The following CCSER2 variants were observed in gnomAD, a reference collection of about 807,000 sequenced individuals.
The protein encoded by CCSER2 is coiled-coil serine rich protein 2, also known as serine-rich coiled-coil domain-containing protein 2.
A neutral mutation model predicts 92.3 loss-of-function variants in CCSER2; 46 were observed. That is an observed-to-expected ratio of 0.50 (90% confidence interval 0.39 to 0.64). CCSER2 has a LOEUF of 0.64. Among genes scored for constraint, CCSER2 ranks in the 30% least tolerant of loss-of-function variants. The probability of loss-of-function intolerance (pLI) is 0.00; values close to 1 mark genes in which losing one functional copy is unlikely to be tolerated. For missense variants in CCSER2, 1,244 were observed against 1,238.9 expected (o/e 1.00, Z -0.06); for synonymous variants, 433 against 431.4 (o/e 1.00, Z -0.04).
At chr10:84,419,394 C>T (rs750113501) in intron 4 of CCSER2, among the ~76,000 whole-genome samples, 1 of 136,608 alleles carries the variant, frequency 7.3e-6, no homozygotes, top group Non-Finnish European at 1.6e-5. Flanking sequence ...CACCCACACC[C>T]CTGGAGCTAA....
At chr10:84,383,131 T>TA (rs2133221163) in intron 3 of CCSER2, among the ~76,000 whole-genome samples, 1 of 152,190 alleles carries the variant, frequency 6.6e-6, no homozygotes, top group African/African-American at 2.4e-5. Flanking sequence ...AGTCCAAAAA[T>TA]ATGGAAGAAG....
intron 9 of CCSER2, among the ~76,000 whole-genome samples, chr10:84,505,446 T>C (rs532949266): frequency 3.9e-4 from 59 of 152,276 alleles, no homozygotes; most frequent in African/African-American, 1.3e-3. Flanking sequence ...ATGTATAAAT[T>C]AACAAGGCTC....
At chr10:84,411,641 T>G (rs1842654838) in intron 3 of CCSER2, among the ~76,000 whole-genome samples, 1 of 152,192 alleles carries the variant, frequency 6.6e-6, no homozygotes, top group Non-Finnish European at 1.5e-5. Context: ...ATGCTATCCA[T>G]TTTTGCACAC....
At chr10:84,394,382 AGTAT>A (rs747051461) in intron 3 of CCSER2, among the ~76,000 whole-genome samples, 157 of 91,264 alleles carry the variant, frequency 1.7e-3, no homozygotes, top group African/African-American at 2.8e-3. Context: ...ACAAAAGGAA[AGTAT>A]GTGTGTGTGT....
At chr10:84,411,748 C>T (rs1240441066) in intron 3 of CCSER2, among the ~76,000 whole-genome samples, 1 of 152,194 alleles carries the variant, frequency 6.6e-6, no homozygotes, top group Non-Finnish European at 1.5e-5. Context: ...ATTATCTCAT[C>T]TGCAAACAAA....
intron 1 of CCSER2, among the ~76,000 whole-genome samples, chr10:84,344,785 T>C (rs190219957): frequency 1.3e-5 from 2 of 152,294 alleles, no homozygotes; most frequent in African/African-American, 4.8e-5. Context: ...TGTTGGTTAG[T>C]GGTGAGAGGG....
In CCSER2 at chr10:84,514,537, C is replaced by T. The variant is rs1254873664; in HGVS notation, c.*270C>T. The T allele has an allele frequency of 8.8e-6, 4 of 453,786 alleles. No individual in the cohort carries two copies. The South Asian group carries it at 1.0e-4, about 11-fold the overall frequency. The allele number at this position is 453,786 out of a possible 1,614,324, so 28.1% of individuals were successfully genotyped here. A position where few individuals can be genotyped will look rare whatever the true frequency, so the allele number is the denominator to read the frequency against. ...CAAAGGCCCAAATCATGTTATCCAT[C>T]CCTCTCCACGTCAGAAAATTCATAA... On this transcript the variant is annotated 3_prime_UTR_variant, in exon 10 of 10. Coordinates refer to ENST00000372088, the MANE Select transcript of CCSER2 (RefSeq NM_001284240.2).
Position 84,372,004 on chromosome 10 carries a change from G to T in CCSER2, c.952G>T (p.Val318Phe), listed in dbSNP as rs1846086511. ...GVTSTLGYRM[V>F]HPSLLKSSRS... is the part of the protein sequence containing the mutation. ...AACTTCTACTTTAGGTTATAGAATGGTTCATCCCTCTCTACTGAAATCTAG... is the reference window on the plus strand; with the variant it reads ...AACTTCTACTTTAGGTTATAGAATGTTTCATCCCTCTCTACTGAAATCTAG... Residue 318 changes from valine (V) to phenylalanine (F), a missense_variant, in exon 2 of 10, where the codon GTT becomes TTT. Physicochemically the swap from Val to Phe is conservative, Grantham distance 50 (BLOSUM62 -1). Coordinates refer to ENST00000372088, the MANE Select transcript of CCSER2 (RefSeq NM_001284240.2). 3 of 1,613,608 alleles carry T rather than the reference G, an allele frequency of 1.9e-6. No homozygotes were observed. In the Admixed American group the frequency reaches 5.0e-5, roughly 27 times the overall value.
intron 5 of CCSER2, among the ~76,000 whole-genome samples, chr10:84,436,909 AT>A (rs1364610703): frequency 2.0e-5 from 3 of 152,188 alleles, no homozygotes; most frequent in Admixed American, 1.3e-4. Context: ...AAGCTAGAAA[AT>A]TTGGTAGAAA....
intron 1 of CCSER2, among the ~76,000 whole-genome samples, chr10:84,332,276 C>T (rs1451688836): frequency 6.6e-6 from 1 of 151,160 alleles, no homozygotes; most frequent in Non-Finnish European, 1.5e-5. Flanking sequence ...GTCCATCGTC[C>T]ATAAATTTAT....
intron 1 of CCSER2, among the ~76,000 whole-genome samples, chr10:84,332,412 T>TATA (rs1554828779): frequency 1.2e-4 from 10 of 82,274 alleles, no homozygotes; most frequent in African/African-American, 4.8e-4. Flanking sequence ...ATTTATTTTT[T>TATA]TATATATATA....
intron 1 of CCSER2, among the ~76,000 whole-genome samples, chr10:84,333,743 T>C (rs1283049035): frequency 6.6e-6 from 1 of 152,044 alleles, no homozygotes; most frequent in Non-Finnish European, 1.5e-5. Flanking sequence ...TTTGGAAATA[T>C]ATAGGAATTA....
At chr10:84,509,975 T>A (rs1849267304) in intron 9 of CCSER2, among the ~76,000 whole-genome samples, 2 of 152,182 alleles carry the variant, frequency 1.3e-5, no homozygotes, top group African/African-American at 4.8e-5. Flanking sequence ...TCGTCCCCAC[T>A]GGTTACATTC....
At chr10:84,370,991 G>A (rs1846031353) in intron 1 of CCSER2, 23 bp from the exon 2 acceptor site, 3 of 1,036,066 alleles carry the variant, frequency 2.9e-6, no homozygotes, top group South Asian at 1.8e-5. Flanking sequence ...AATGTTTAAT[G>A]TACTTCTTTT....
At chr10:84,381,994 G>A (rs545451092) in intron 3 of CCSER2, among the ~76,000 whole-genome samples, 1 of 151,592 alleles carries the variant, frequency 6.6e-6, no homozygotes, top group Non-Finnish European at 1.5e-5. Flanking sequence ...ACAACTGGTT[G>A]CTGGAGGTAT....
At chr10:84,433,764 G>A (rs1843930938) in intron 5 of CCSER2, among the ~76,000 whole-genome samples, 1 of 152,104 alleles carries the variant, frequency 6.6e-6, no homozygotes, top group Admixed American at 6.6e-5. Context: ...CTTTTCTCTA[G>A]TTTGCATCTT....
At chr10:84,337,567 G>A (rs1168080105) in intron 1 of CCSER2, among the ~76,000 whole-genome samples, 3 of 152,226 alleles carry the variant, frequency 2.0e-5, no homozygotes, top group Non-Finnish European at 4.4e-5. Flanking sequence ...TCTTCAAGGA[G>A]TATGCTGTAA....
chr10:84,382,461 G>A (rs11201015), intron 3 of CCSER2, among the ~76,000 whole-genome samples: 26,907 of 152,090 alleles, frequency 0.18, 2,964 homozygotes, highest in East Asian at 0.33. Flanking sequence ...ATTAAATATA[G>A]CATTTTTTCT....
At chr10:84,456,860 CTGTT>C (rs78766572) in intron 6 of CCSER2, among the ~76,000 whole-genome samples, 53,749 of 151,420 alleles carry the variant, frequency 0.35, 11,357 homozygotes, top group East Asian at 0.5. Context: ...TTTCATATGA[CTGTT>C]TGCCATTTAT....
Sources: allele counts gnomAD v4.1 joint callset (sites outside exome capture counted in the v4.1 genomes callset), GRCh38; gene constraint gnomAD v4.1.1; transcripts MANE v1.5; gene names NCBI Gene and HGNC (gene_info 2026-07-23, HGNC 2026-07-21).